The following ATRN variants were observed in gnomAD, a reference collection of about 807,000 sequenced individuals.
ATRN encodes the protein attractin-2.
ATRN carries 54 observed loss-of-function variants against 178.7 expected under a neutral mutation model. The ratio of observed to expected loss-of-function variants is 0.30; its 90% CI spans 0.24 to 0.38. The LOEUF is 0.38. Ranked by LOEUF, ATRN falls within the 10% of genes least tolerant of loss-of-function variation. ATRN has a pLI of 1.00. For synonymous variants in ATRN, 636 were observed against 663.0 expected, an observed-to-expected ratio of 0.96 and a Z score of 0.63; for missense variants, 1,443 against 1,815.1, an observed-to-expected ratio of 0.79 and a Z score of 3.73.
At chr20:3,611,259 A>G (rs1014314372) in intron 24 of ATRN, among the ~76,000 whole-genome samples, 13 of 152,332 alleles carry the variant, frequency 8.5e-5, no homozygotes, top group African/African-American at 3.1e-4. Flanking sequence ...CAAGCTATGG[A>G]CTGGGAGAAA....
chr20:3,555,024 A>G (rs1340264244), intron 6 of ATRN, among the ~76,000 whole-genome samples: 5 of 85,162 alleles, frequency 5.9e-5, no homozygotes, highest in Admixed American at 2.0e-4. Context: ...TTTTTTTGAG[A>G]CGGAGTCTCG....
chr20:3,488,529 G>C (rs2084731187), intron 1 of ATRN, among the ~76,000 whole-genome samples: 1 of 152,120 alleles, frequency 6.6e-6, no homozygotes, highest in African/African-American at 2.4e-5. Flanking sequence ...TATCAATCAG[G>C]TGTTTATGTA....
At chr20:3,634,970 C>CA (rs745484293) in intron 26 of ATRN, among the ~76,000 whole-genome samples, 4 of 152,010 alleles carry the variant, frequency 2.6e-5, no homozygotes, top group Non-Finnish European at 5.9e-5. Flanking sequence ...TACAACATAT[C>CA]AAATGCCCAT....
At chr20:3,520,271 G>GTAGA (rs891025227) in intron 1 of ATRN, among the ~76,000 whole-genome samples, 2 of 152,098 alleles carry the variant, frequency 1.3e-5, no homozygotes, top group Non-Finnish European at 2.9e-5. Context: ...GGAAGAAAGG[G>GTAGA]TAGATGTATC....
At chr20:3,615,852 A>G (rs1366593359) in intron 24 of ATRN, 4 of 454,514 alleles carry the variant, frequency 8.8e-6, no homozygotes, top group African/African-American at 4.0e-5. Context: ...ATGAGGACGC[A>G]TGGACACAGG....
chr20:3,562,198 C>T, intron 8 of ATRN, 78 bp from the exon 9 acceptor site: 2 of 1,243,476 alleles, frequency 1.6e-6, no homozygotes, highest in African/African-American at 1.5e-5. Flanking sequence ...CATTCTCATG[C>T]CCTAAGCTCT....
At chr20:3,567,744 A>G (rs1232225166) in intron 11 of ATRN, among the ~76,000 whole-genome samples, 5 of 152,130 alleles carry the variant, frequency 3.3e-5, no homozygotes, top group African/African-American at 4.8e-5. Flanking sequence ...GGAGGCAGGA[A>G]GGAGGAGGAG....
intron 1 of ATRN, among the ~76,000 whole-genome samples, chr20:3,494,330 CACAGACCTTGCATGTTGTGCTAAG>C (rs2084848222): frequency 6.6e-6 from 1 of 152,082 alleles, no homozygotes; most frequent in South Asian, 2.1e-4. Flanking sequence ...GTTGGATTGT[CACAGACCTTGCATGTTGTGCTAAG>C]GCATGCAGAG....
chr20:3,502,406 A>G (rs1490544991), intron 1 of ATRN, among the ~76,000 whole-genome samples: 1 of 152,202 alleles, frequency 6.6e-6, no homozygotes, highest in Non-Finnish European at 1.5e-5. Context: ...ACTTGGGATC[A>G]CAGCATTGGA....
At chr20:3,611,474 C>T (rs1224986561) in intron 24 of ATRN, among the ~76,000 whole-genome samples, 2 of 152,196 alleles carry the variant, frequency 1.3e-5, no homozygotes, top group African/African-American at 4.8e-5. Context: ...AGGTGTGGTT[C>T]ACACCTGAAA....
At position 3,471,331 on chromosome 20, in the gene ATRN, T is replaced by C; in HGVS notation, c.224T>C (p.Leu75Pro). Residue 75 changes from leucine (L) to proline (P), a missense_variant, in exon 1 of 29, where the codon CTG (leucine) becomes CCG (proline). Leu to Pro is a moderately conservative substitution (Grantham distance 98, BLOSUM62 -3). Around this residue, in one of 4 missense-constraint regions of ATRN, gnomAD observed 862 missense variants for 972.1 expected, o/e 0.89. Coordinates refer to ENST00000262919, the MANE Select transcript of ATRN (RefSeq NM_139321.3). ...LLLLSPPLLLLLLPCEAEAAA... is the reference protein window; with the variant it reads ...LLLLSPPLLLPLLPCEAEAAA... The stretch of plus-strand genomic sequence containing the variant: ...TTGCTCTCGCCGCCGCTGCTGCTGC[T>C]GCTGCTGCCCTGTGAGGCCGAGGCC... The C allele has an allele frequency of 6.7e-7, 1 of 1,486,418 alleles. No homozygotes were observed. The highest frequency in any genetic ancestry group is 8.9e-7 in the Non-Finnish European group (1 of 1,127,222). 92.1% of individuals were successfully genotyped at this position (1,486,418 alleles called of 1,614,324 possible).
intron 1 of ATRN, among the ~76,000 whole-genome samples, chr20:3,508,042 A>T (rs986928901): frequency 6.6e-6 from 1 of 151,848 alleles, no homozygotes; most frequent in Non-Finnish European, 1.5e-5. Context: ...ATTGAGACAC[A>T]TTATCTTTAC....
At position 3,572,793 on chromosome 20, in the gene ATRN, C is replaced by A; in HGVS notation, c.1934C>A (p.Ser645Ter). Reference protein sequence around the residue: ...LLLSDILVFTSEQCDAHRSEA... With the variant: ...LLLSDILVFT Reference sequence around the variant, plus strand: ...CTCAGCGACATCCTGGTATTCACCTCGGAACAGTGTGATGCGCATCGGAGT... The same window carrying A: ...CTCAGCGACATCCTGGTATTCACCTAGGAACAGTGTGATGCGCATCGGAGT... The change falls in exon 12 of 29, where the codon TCG (serine) becomes TAG (stop). Residue 645 changes from serine to a stop codon, truncating the protein, a stop_gained. Transcript: ENST00000262919. LOFTEE classifies it high-confidence loss of function. 6.2e-7 allele frequency: 1 copy of A among 1,613,886 alleles called. No homozygotes were observed. The highest frequency in any genetic ancestry group is 1.1e-5 in the South Asian group (1 of 91,060).
chr20:3,533,232 T>C (rs926947237), intron 1 of ATRN, among the ~76,000 whole-genome samples: 1 of 152,198 alleles, frequency 6.6e-6, no homozygotes, highest in Non-Finnish European at 1.5e-5. Context: ...CCACACACTT[T>C]CCTAAGAATA....
Position 3,588,989 on chromosome 20 carries a change from T to G in ATRN, c.3185-2180T>G, listed in dbSNP as rs536115855. Among the ~76,000 whole-genome samples the G allele has an allele frequency of 1.3e-3, 174 of 137,744 alleles. 1 individual carries two copies. Among genetic ancestry groups the G allele is most frequent in the Non-Finnish European group, 2.4e-3 (152 of 63,968 alleles). 90.4% of individuals were successfully genotyped at this position (137,744 alleles called of 152,430 possible). ...TCGTAGTATTTTCTTTTGTTTTTTT[T>G]TTTTTTTTTTTGAGACAGAGTCTCA... On this transcript the variant is annotated intron_variant, in intron 18 of 28. Coordinates refer to ENST00000262919, the MANE Select transcript of ATRN (RefSeq NM_139321.3).
intron 1 of ATRN, among the ~76,000 whole-genome samples, chr20:3,515,229 A>G (rs1952280481): frequency 6.6e-6 from 1 of 152,014 alleles, no homozygotes; most frequent in South Asian, 2.1e-4. Flanking sequence ...CATTATTCCT[A>G]GTTTTTACTT....
intron 1 of ATRN, chr20:3,489,877 A>G: frequency 1.5e-6 from 2 of 1,299,588 alleles, no homozygotes; most frequent in Non-Finnish European, 1.1e-6. Context: ...TTGCCATCCC[A>G]GCCAAGTGGC....
chr20:3,472,320 A>G (rs989248711), intron 1 of ATRN, among the ~76,000 whole-genome samples: 3 of 152,142 alleles, frequency 2.0e-5, no homozygotes, highest in Admixed American at 6.5e-5. Flanking sequence ...CCTTGTCCAC[A>G]GGGAGTTTGG....
intron 18 of ATRN, among the ~76,000 whole-genome samples, chr20:3,588,834 T>A (rs2086394445): frequency 6.6e-6 from 1 of 152,160 alleles, no homozygotes; most frequent in South Asian, 2.1e-4. Context: ...ACAGGAAAAT[T>A]TTTAATTATT....
Sources: gnomAD v4.1 joint callset for allele counts (sites outside exome capture counted in the v4.1 genomes callset) on GRCh38, gnomAD v4.1.1 for gene constraint, gnomAD v4.1.1 regional missense constraint, MANE v1.5 for transcripts, NCBI Gene and HGNC (gene_info 2026-07-23, HGNC 2026-07-21) for gene names.